PLCE1: variants seen among roughly 807,000 people sequenced by gnomAD.
PLCE1 encodes phospholipase C epsilon 1.
PLCE1 carries 119 observed loss-of-function variants against 242.8 expected under a neutral mutation model. The observed-to-expected ratio is 0.49, with a 90% CI of 0.42 to 0.57. PLCE1 has a LOEUF of 0.57. Ranked by LOEUF, PLCE1 falls within the 20% of genes least tolerant of loss-of-function variation. The pLI is 0.00. For missense variants in PLCE1, 2,441 were observed against 2,788.8 expected (o/e 0.88, Z 2.81); for synonymous variants, 945 against 1,017.4 (o/e 0.93, Z 1.35).
At chr10:94,188,010 C>T (rs2048536867) in intron 4 of PLCE1, among the ~76,000 whole-genome samples, 1 of 152,074 alleles carries the variant, frequency 6.6e-6, no homozygotes, top group Non-Finnish European at 1.5e-5. Context: ...ACCCACTTGC[C>T]CCCTTCCCTA....
intron 2 of PLCE1, among the ~76,000 whole-genome samples, chr10:94,043,226 G>A (rs913738370): frequency 2.0e-5 from 3 of 152,146 alleles, no homozygotes; most frequent in African/African-American, 2.4e-5. Flanking sequence ...TACAGAGGAG[G>A]CAACAAAACA....
chr10:94,213,749 G>A (rs1470878845), intron 4 of PLCE1, among the ~76,000 whole-genome samples: 1 of 152,166 alleles, frequency 6.6e-6, no homozygotes, highest in Non-Finnish European at 1.5e-5. Context: ...GTAATAAAAA[G>A]GCCAACATTG....
intron 1 of PLCE1, among the ~76,000 whole-genome samples, chr10:93,997,632 CTTTTTTTTTT>C (rs34338995): frequency 2.0e-3 from 159 of 79,896 alleles, no homozygotes; most frequent in Middle Eastern, 0.011. Flanking sequence ...AATAACCATC[CTTTTTTTTTT>C]TTTTTTTTTT....
chr10:94,268,073 T>G (rs1233897520), intron 16 of PLCE1, among the ~76,000 whole-genome samples: 1 of 152,206 alleles, frequency 6.6e-6, no homozygotes, highest in Non-Finnish European at 1.5e-5. Flanking sequence ...TTTAAGATGA[T>G]GTACAGATCT....
intron 18 of PLCE1, among the ~76,000 whole-genome samples, chr10:94,270,816 T>C (rs1009326186): frequency 2.6e-5 from 4 of 152,106 alleles, no homozygotes; most frequent in Admixed American, 6.6e-5. Context: ...ATTACCAGCA[T>C]GCGCCCCCAT....
chr10:94,053,797 C>A (rs887669528), intron 2 of PLCE1, among the ~76,000 whole-genome samples: 1 of 152,204 alleles, frequency 6.6e-6, no homozygotes, highest in Non-Finnish European at 1.5e-5. Context: ...TGAGAGCCAG[C>A]CTTCCAGTCG....
chr10:94,041,438 C>T (rs2061766048), intron 2 of PLCE1, among the ~76,000 whole-genome samples: 1 of 152,156 alleles, frequency 6.6e-6, no homozygotes, highest in Non-Finnish European at 1.5e-5. Context: ...GCAATCCATG[C>T]TTGTCATCTC....
chr10:94,096,493 C>T (rs903798612), intron 2 of PLCE1: 37 of 152,018 alleles, frequency 2.4e-4, no homozygotes, highest in African/African-American at 8.7e-4. Flanking sequence ...GGGGAAAAGC[C>T]CTTTATAAAA....
In PLCE1 at chr10:94,246,619, C is replaced by T. The variant is rs766883789; in HGVS notation, c.3094C>T (p.Gln1032Ter). ...WLRKQYVSLY[Q>*]EDGRYEGPTL... is the part of the protein sequence containing the mutation. ...GCGGAAACAGTACGTCAGCCTTTAT[C>T]AGGTAAGGGGTGCAGCCATCCCTCT... is the stretch of plus-strand genomic sequence containing the variant. Residue 1032 changes from glutamine (Q) to a stop codon, truncating the protein, a stop_gained and splice_region_variant, in exon 8 of 33, where the codon CAG becomes TAG. Transcript: ENST00000371380. LOFTEE classifies it high-confidence loss of function. The T allele has an allele frequency of 2.5e-6, 4 of 1,613,274 alleles. No individual in the cohort carries two copies. In the African/African-American group the frequency reaches 4.0e-5, roughly 16 times the overall value.
At chr10:94,147,338 C>T (rs201044582) in intron 3 of PLCE1, among the ~76,000 whole-genome samples, 1 of 152,082 alleles carries the variant, frequency 6.6e-6, no homozygotes, top group East Asian at 1.9e-4. Flanking sequence ...AGGAGAATCA[C>T]TTGAACCCAG....
At chr10:94,319,860 T>TCAAA (rs542683196) in intron 29 of PLCE1, among the ~76,000 whole-genome samples, 5 of 138,006 alleles carry the variant, frequency 3.6e-5, no homozygotes, top group Admixed American at 1.5e-4. Flanking sequence ...GGCTCAAAGG[T>TCAAA]GCTCTTTTTT....
At chr10:94,079,366 A>T (rs543264944) in intron 2 of PLCE1, among the ~76,000 whole-genome samples, 1 of 152,054 alleles carries the variant, frequency 6.6e-6, no homozygotes, top group Non-Finnish European at 1.5e-5. Flanking sequence ...GCATTGAGTT[A>T]TATTTATTTC....
rs10537252 is a variant in PLCE1 at position 94,332,505 on chromosome 10, CTGTG to C, written c.*4602_*4605del. The C allele has an allele frequency of 0.26, 37,847 of 145,478 alleles. 4,951 individuals are homozygous for C. Among genetic ancestry groups the C allele is most frequent in the African/African-American group, 0.33 (12,850 of 39,494 alleles). The allele number at this position is 145,478 out of a possible 1,614,324, so 9.0% of individuals were successfully genotyped here. A position where few individuals can be genotyped will look rare whatever the true frequency, so the allele number is the denominator to read the frequency against. Reference sequence around the variant, plus strand: ...ATATAGCCTCAGGATATGTGTGTGCCTGTGTGTGTGTGTGTGTGTGTGTGTGTGT... The same window carrying C: ...ATATAGCCTCAGGATATGTGTGTGCCTGTGTGTGTGTGTGTGTGTGTGTGT... On this transcript the variant is annotated 3_prime_UTR_variant, in exon 33 of 33. Transcript: ENST00000371380.
chr10:94,302,024 T>G lies in PLCE1; in HGVS notation c.5459-2458T>G, dbSNP rs79748988. 2.0e-5 allele frequency among the ~76,000 whole-genome samples: 3 copies of G among 152,316 alleles called. No homozygotes were observed. The East Asian group carries it at 5.8e-4, about 29-fold the overall frequency. On this transcript the variant is annotated intron_variant, in intron 24 of 32. Transcript: ENST00000371380. ...TATGTTTATCTATCATTATGTGCAT[T>G]GTTTCAGAGGTGTAGCAGGGTTACA...
intron 7 of PLCE1, among the ~76,000 whole-genome samples, chr10:94,239,082 A>G (rs1265438145): frequency 6.6e-6 from 1 of 152,246 alleles, no homozygotes; most frequent in African/African-American, 2.4e-5. Context: ...TGTGAGGATT[A>G]TAAATTAAGC....
chr10:94,215,713 G>A (rs1428703591), intron 4 of PLCE1, among the ~76,000 whole-genome samples: 2 of 152,168 alleles, frequency 1.3e-5, no homozygotes, highest in Admixed American at 6.5e-5. Flanking sequence ...AGGAAAGTTA[G>A]TGAAGGAAAA....
intron 20 of PLCE1, chr10:94,283,090 G>T (rs951191759): frequency 6.6e-6 from 1 of 151,930 alleles, no homozygotes; most frequent in Admixed American, 6.6e-5. Flanking sequence ...ATTTTAAAAG[G>T]TCATCATCAC....
chr10:94,156,452 T>C (rs2047435978), intron 3 of PLCE1, among the ~76,000 whole-genome samples: 1 of 152,180 alleles, frequency 6.6e-6, no homozygotes, highest in Non-Finnish European at 1.5e-5. Flanking sequence ...AACACTTTAC[T>C]TACTTTACCA....
At chr10:94,290,660 T>C (rs12778016) in intron 22 of PLCE1, among the ~76,000 whole-genome samples, 23,471 of 150,636 alleles carry the variant, frequency 0.16, 2,043 homozygotes, top group Middle Eastern at 0.29. Context: ...GAGGCTGTTT[T>C]ACAGTTAACA....
Sources: allele counts gnomAD v4.1 joint callset (sites outside exome capture counted in the v4.1 genomes callset), GRCh38; gene constraint gnomAD v4.1.1; transcripts MANE v1.5; gene names NCBI Gene and HGNC (gene_info 2026-07-23, HGNC 2026-07-21).